PZP: variants seen among roughly 807,000 people sequenced by gnomAD.
PZP encodes PZP alpha-2-macroglobulin like, also known as pregnancy zone protein.
Under a neutral mutation model 179.8 loss-of-function variants are expected in PZP, and 150 were observed. The ratio of observed to expected loss-of-function variants is 0.83; its 90% CI spans 0.73 to 0.96. The LOEUF is 0.96. Ranked by LOEUF, PZP falls within the 40% of genes least tolerant of loss-of-function variation. PZP has a pLI of 0.00. For synonymous variants in PZP, 624 were observed against 652.3 expected, an observed-to-expected ratio of 0.96 and a Z score of 0.66; for missense variants, 1,689 against 1,764.0, an observed-to-expected ratio of 0.96 and a Z score of 0.76.
chr12:9,167,643 T>A (rs1592479210), intron 17 of PZP: 1 of 152,334 alleles, frequency 6.6e-6, no homozygotes, highest in South Asian at 2.1e-4. Flanking sequence ...GATATTTCAG[T>A]TTTCTTAGCT....
chr12:9,141,884 G>A, the PZP span, among the ~76,000 whole-genome samples: 1 of 152,198 alleles, frequency 6.6e-6, no homozygotes, highest in East Asian at 1.9e-4. Flanking sequence ...AACTCCATGT[G>A]TCCTAGGTCT....
At chr12:9,187,160 A>C (rs1406144935) in intron 13 of PZP, among the ~76,000 whole-genome samples, 2 of 152,042 alleles carry the variant, frequency 1.3e-5, no homozygotes, top group East Asian at 3.9e-4. Context: ...CAAAATCTAC[A>C]TGCACCCAAC....
chr12:9,160,572 T>C, intron 23 of PZP, 82 bp from the exon 24 acceptor site: 1 of 1,266,778 alleles, frequency 7.9e-7, no homozygotes, highest in East Asian at 2.6e-5. Flanking sequence ...GCCTTTATAT[T>C]CAGAGTCTAT....
In PZP at chr12:9,201,340, A is replaced by G; in HGVS notation, c.488T>C (p.Leu163Pro). 6.4e-7 allele frequency: 1 copy of G among 1,557,144 alleles called. No homozygotes were observed. The change falls in exon 5 of 36, where the codon CTG (leucine) becomes CCG (proline). Residue 163 changes from leucine (L) to proline (P), a missense_variant. Physicochemically the swap from Leu to Pro is moderately conservative, Grantham distance 98. Coordinates refer to ENST00000261336, the MANE Select transcript of PZP (RefSeq NM_002864.3). ...TCTGATACTTACCTCAAGGTATATCAGTGGAATCTATATGATAAAAGGAAA... is the reference window on the plus strand; with the variant it reads ...TCTGATACTTACCTCAAGGTATATCGGTGGAATCTATATGATAAAAGGAAA... The part of the protein sequence containing the change: ...NFRPRNELIP[L>P]IYLENPRRNR...
chr12:9,175,211 A>G (rs1438792885), intron 15 of PZP, among the ~76,000 whole-genome samples: 1 of 152,228 alleles, frequency 6.6e-6, no homozygotes, highest in East Asian at 1.9e-4. Context: ...GCAATGGAGG[A>G]AAGGCCTCCC....
intron 13 of PZP, among the ~76,000 whole-genome samples, chr12:9,186,307 A>G (rs1384427107): frequency 1.3e-5 from 2 of 152,186 alleles, no homozygotes; most frequent in Non-Finnish European, 2.9e-5. Context: ...ACATAACCAC[A>G]CTGAAGTACA....
chr12:9,152,989 T>C, intron 30 of PZP, 38 bp from the exon 31 acceptor site: 1 of 1,613,574 alleles, frequency 6.2e-7, no homozygotes, highest in Non-Finnish European at 8.5e-7. Flanking sequence ...TTCTCTCTTT[T>C]TCTGGACCCC....
intron 13 of PZP, 111 bp from the exon 14 acceptor site, chr12:9,182,228 C>T: frequency 9.7e-7 from 1 of 1,033,174 alleles, no homozygotes; most frequent in Non-Finnish European, 1.3e-6. Flanking sequence ...GAACTGCGTC[C>T]ATTCATTCTA....
At chr12:9,164,381 A>G (rs1010841264) in intron 19 of PZP, 122 bp from the exon 20 acceptor site, 5 of 1,043,108 alleles carry the variant, frequency 4.8e-6, no homozygotes, top group African/African-American at 4.7e-5. Flanking sequence ...AATGTATGTC[A>G]CATAGATTCA....
chr12:9,148,563 A>G (rs1424924296), downstream of PZP, among the ~76,000 whole-genome samples: 1 of 151,916 alleles, frequency 6.6e-6, no homozygotes, highest in Non-Finnish European at 1.5e-5. Context: ...CCTCATCTCA[A>G]ACATCTCTTC....
chr12:9,157,576 A>AT lies in PZP; in HGVS notation c.3369+190dup, dbSNP rs1211471486. ...GAACCTGTTTTTAGGATTGGTTTTG[A>AT]TACATAGTCTATGGGCATTACTGGG... On this transcript the variant is annotated intron_variant, in intron 27 of 35. Transcript: ENST00000261336. 2.0e-5 allele frequency among the ~76,000 whole-genome samples: 3 copies of AT among 152,334 alleles called. No homozygotes were observed. The East Asian group carries it at 5.8e-4, about 29-fold the overall frequency.
chr12:9,188,534 A>G (rs752606860), intron 13 of PZP, among the ~76,000 whole-genome samples: 6 of 152,200 alleles, frequency 3.9e-5, no homozygotes, highest in Non-Finnish European at 8.8e-5. Context: ...ACAATCGGGC[A>G]AGACAAAGAA....
intron 28 of PZP, 25 bp from the exon 29 acceptor site, chr12:9,154,864 A>C: frequency 6.3e-7 from 1 of 1,578,050 alleles, no homozygotes; most frequent in Non-Finnish European, 8.7e-7. Context: ...AAAGGAGATA[A>C]TTGTAACTCA....
chr12:9,162,850 G>T (rs985062658), intron 21 of PZP, among the ~76,000 whole-genome samples: 7 of 152,128 alleles, frequency 4.6e-5, no homozygotes, highest in African/African-American at 1.7e-4. Flanking sequence ...GTGCCATGGT[G>T]GTTTGCTGCA....
At chr12:9,173,923 T>C (rs1034892727) in intron 15 of PZP, among the ~76,000 whole-genome samples, 1 of 152,226 alleles carries the variant, frequency 6.6e-6, no homozygotes, top group Non-Finnish European at 1.5e-5. Flanking sequence ...GTACCATTTC[T>C]ACTAAAACTA....
intron 15 of PZP, among the ~76,000 whole-genome samples, chr12:9,171,392 A>G (rs972843821): frequency 8.5e-5 from 13 of 152,244 alleles, no homozygotes; most frequent in African/African-American, 2.9e-4. Flanking sequence ...ATAAGTTCAC[A>G]AAGATGAGAA....
intron 5 of PZP, 53 bp downstream of exon 5, chr12:9,201,274 C>T (rs1038899147): frequency 6.9e-7 from 1 of 1,447,786 alleles, no homozygotes; most frequent in Non-Finnish European, 9.6e-7. Context: ...ATCAGAACCT[C>T]CTACTCTCTA....
intron 4 of PZP, 140 bp from the exon 5 acceptor site, chr12:9,201,487 T>C (rs778796031): frequency 1.4e-4 from 89 of 622,838 alleles, no homozygotes; most frequent in Non-Finnish European, 2.3e-4. Context: ...ACTGGAAAAA[T>C]CTCAGGGAAA....
intron 13 of PZP, among the ~76,000 whole-genome samples, chr12:9,189,950 C>T (rs1943359473): frequency 6.6e-6 from 1 of 152,080 alleles, no homozygotes; most frequent in South Asian, 2.1e-4. Context: ...AGATTATCAT[C>T]TCACATCAGT....
Sources: allele counts gnomAD v4.1 joint callset (sites outside exome capture counted in the v4.1 genomes callset), GRCh38; gene constraint gnomAD v4.1.1; transcripts MANE v1.5; gene names NCBI Gene and HGNC (gene_info 2026-07-23, HGNC 2026-07-21).